Variants in CARD6 observed in about 807,000 individuals in gnomAD.
The protein encoded by CARD6 is caspase recruitment domain-containing protein 6.
CARD6 carries 27 observed loss-of-function variants against 23.6 expected under a neutral mutation model. The observed-to-expected ratio is 1.14, with a 90% CI of 0.84 to 1.58. CARD6 has a LOEUF of 1.58. Ranked by LOEUF, CARD6 falls within the 40% of genes most tolerant of loss-of-function variation. CARD6 has a pLI of 0.00. For synonymous variants in CARD6, 397 were observed against 431.8 expected, an observed-to-expected ratio of 0.92 and a Z score of 1.00; for missense variants, 1,214 against 1,209.9, an observed-to-expected ratio of 1.00 and a Z score of -0.05.
At chr5:40,848,210 GT>G (rs200993412) in intron 2 of CARD6, among the ~76,000 whole-genome samples, 3,747 of 124,862 alleles carry the variant, frequency 0.03, 98 homozygotes, top group African/African-American at 0.1. Context: ...AATTTTAATT[GT>G]TTTTTTTTTT....
At chr5:40,849,106 C>T (rs1183961786) in intron 2 of CARD6, among the ~76,000 whole-genome samples, 1 of 152,086 alleles carries the variant, frequency 6.6e-6, no homozygotes, top group Non-Finnish European at 1.5e-5. Context: ...AAGTGATTCT[C>T]CTGCCTCAGC....
At position 40,843,369 on chromosome 5, in the gene CARD6, G is replaced by A; in HGVS notation, c.501G>A (p.Lys167=). The change falls in exon 2 of 3, where the codon AAG becomes AAA. Residue 167 remains lysine, a synonymous_variant. Transcript: ENST00000254691. Reference sequence around the variant, plus strand: ...CTTTGTCTGCCAGGAAGAATGAGAAGGAATATGACACACCAGAAGTCACAT... The same window carrying A: ...CTTTGTCTGCCAGGAAGAATGAGAAAGAATATGACACACCAGAAGTCACAT... ...ETALSARKNE[K]EYDTPEVTLS... 1 of 1,614,018 alleles carries A rather than the reference G, an allele frequency of 6.2e-7. No homozygotes were observed. Among genetic ancestry groups the A allele is most frequent in the South Asian group, 1.1e-5 (1 of 91,074 alleles).
chr5:40,843,438 T>C lies in CARD6; in HGVS notation c.570T>C (p.Thr190=), dbSNP rs1182216018. ...VEKVGCEVPA[T]ITYIKDGQRY... ...AAGTTGGATGTGAAGTTCCAGCAAC[T>C]ATTACATATATAAAAGATGGACAGA... Residue 190 remains threonine, a synonymous_variant, in exon 2 of 3, where the codon ACT becomes ACC. Coordinates refer to ENST00000254691, the MANE Select transcript of CARD6 (RefSeq NM_032587.4). 6.2e-7 allele frequency: 1 copy of C among 1,613,916 alleles called. No homozygotes were observed. The highest frequency in any genetic ancestry group is 8.5e-7 in the Non-Finnish European group (1 of 1,179,968).
intron 2 of CARD6, among the ~76,000 whole-genome samples, chr5:40,844,401 T>C (rs1375593891): frequency 6.6e-6 from 1 of 152,094 alleles, no homozygotes; most frequent in African/African-American, 2.4e-5. Flanking sequence ...GCCTGGCTAA[T>C]TTTGTATTTT....
At chr5:40,848,974 C>T (rs981384997) in intron 2 of CARD6, among the ~76,000 whole-genome samples, 2 of 151,894 alleles carry the variant, frequency 1.3e-5, no homozygotes, top group East Asian at 1.9e-4. Flanking sequence ...ATTACCTTGT[C>T]GACACACCTG....
rs1579806466 is a variant in CARD6 at position 40,852,866 on chromosome 5, C to G, written c.1534C>G (p.Pro512Ala). The change falls in exon 3 of 3, where the codon CCT becomes GCT. Residue 512 changes from proline (P) to alanine (A), a missense_variant. By Grantham distance (27) the Pro-to-Ala change is conservative. Transcript: ENST00000254691. ...CCTGGTTGAGATAACATGGTGTTTT[C>G]CTGATAGCGATGATAGAAAGGAAAA... The part of the protein sequence containing the change: ...DGLVEITWCF[P>A]DSDDRKENPF... 6.2e-7 allele frequency: 1 copy of G among 1,614,110 alleles called. No individual in the cohort carries two copies. Among genetic ancestry groups the G allele is most frequent in the East Asian group, 2.2e-5 (1 of 44,880 alleles).
Position 40,843,353 on chromosome 5 carries a change from C to A in CARD6, c.485C>A (p.Ala162Asp). 1 of 1,613,962 alleles carries A rather than the reference C, an allele frequency of 6.2e-7. No homozygotes were observed. The highest frequency in any genetic ancestry group is 8.5e-7 in the Non-Finnish European group (1 of 1,179,960). ...AGTTATAGGGAAACAGCTTTGTCTG[C>A]CAGGAAGAATGAGAAGGAATATGAC... is the stretch of plus-strand genomic sequence containing the variant. Reference protein sequence around the residue: ...KTSYRETALSARKNEKEYDTP... With the variant: ...KTSYRETALSDRKNEKEYDTP... Residue 162 changes from alanine (A) to aspartate (D), a missense_variant, in exon 2 of 3, where the codon GCC (alanine) becomes GAC (aspartate). Physicochemically the swap from Ala to Asp is moderately radical, Grantham distance 126. Transcript: ENST00000254691.
rs200823697 is a variant in CARD6 at position 40,854,474 on chromosome 5, A to C, written c.*28A>C. On this transcript the variant is annotated 3_prime_UTR_variant, in exon 3 of 3. Transcript: ENST00000254691. ...AGCTAACTCCAGAGATCTATAAAGC[A>C]TATCCTTTACCCAGGCCATTCCTAT... 6.4e-7 allele frequency: 1 copy of C among 1,563,778 alleles called. No individual in the cohort carries two copies. Among genetic ancestry groups the C allele is most frequent in the African/African-American group, 1.4e-5 (1 of 73,694 alleles).
rs1249079057 is a variant in CARD6, at chr5:40,843,345, T to C, written c.477T>C (p.Ala159=). ...RDKKTSYRET[A]LSARKNEKEY... ...AGAAAACTAGTTATAGGGAAACAGC[T>C]TTGTCTGCCAGGAAGAATGAGAAGG... is the stretch of plus-strand genomic sequence containing the variant. The change falls in exon 2 of 3, where the codon GCT becomes GCC. Residue 159 remains alanine, a synonymous_variant. Coordinates refer to ENST00000254691, the MANE Select transcript of CARD6 (RefSeq NM_032587.4). 1.2e-6 allele frequency: 2 copies of C among 1,614,132 alleles called. No homozygotes were observed. The highest frequency in any genetic ancestry group is 2.2e-5 in the South Asian group (2 of 91,086).
At chr5:40,844,860 G>T (rs966223547) in intron 2 of CARD6, among the ~76,000 whole-genome samples, 2 of 149,912 alleles carry the variant, frequency 1.3e-5, no homozygotes, top group African/African-American at 4.9e-5. Flanking sequence ...TGACAGGGTT[G>T]CTTCCTTCTT....
intron 2 of CARD6, among the ~76,000 whole-genome samples, chr5:40,845,113 C>A (rs1006675007): frequency 5.9e-5 from 9 of 151,980 alleles, no homozygotes; most frequent in Non-Finnish European, 1.2e-4. Flanking sequence ...AGTAATCCAC[C>A]CACCTTGGCC....
chr5:40,844,950 C>T (rs1745941689), intron 2 of CARD6, among the ~76,000 whole-genome samples: 1 of 151,506 alleles, frequency 6.6e-6, no homozygotes, highest in African/African-American at 2.4e-5. Flanking sequence ...TCACTGTACC[C>T]TCCGCCTCCC....
At chr5:40,847,893 G>A (rs905746034) in intron 2 of CARD6, among the ~76,000 whole-genome samples, 11 of 149,208 alleles carry the variant, frequency 7.4e-5, no homozygotes, top group Admixed American at 1.4e-4. Flanking sequence ...GTTATTTACC[G>A]AGATTTTTTT....
chr5:40,841,710 G>T, intron 1 of CARD6, 45 bp downstream of exon 1: 1 of 1,423,090 alleles, frequency 7.0e-7, no homozygotes, highest in Non-Finnish European at 9.4e-7. Context: ...GAAGGGGGCA[G>T]ACTTTCTGAA....
In CARD6 at chr5:40,852,791, C is replaced by T. The variant is rs967651838; in HGVS notation, c.1459C>T (p.Leu487Phe). 6.2e-7 allele frequency: 1 copy of T among 1,614,196 alleles called. No individual in the cohort carries two copies. The highest frequency in any genetic ancestry group is 1.1e-5 in the South Asian group (1 of 91,076). Residue 487 changes from leucine (L) to phenylalanine (F), a missense_variant, in exon 3 of 3, where the codon CTT (leucine) becomes TTT (phenylalanine). By Grantham distance (22) the Leu-to-Phe change is conservative. Coordinates refer to ENST00000254691, the MANE Select transcript of CARD6 (RefSeq NM_032587.4). ...CCAGTTGAAATTACACAAAATCTTTCTTCATCAAGATTTGCCTCTTTTGGT... is the reference window on the plus strand; with the variant it reads ...CCAGTTGAAATTACACAAAATCTTTTTTCATCAAGATTTGCCTCTTTTGGT... ...PAQLKLHKIF[L>F]HQDLPLLVLP...
rs867546934 is a variant in CARD6 at position 40,843,610 on chromosome 5, G to A, written c.742G>A (p.Glu248Lys). ...HVGYDGEEDFENSETTEFSGE... is the reference protein window; with the variant it reads ...HVGYDGEEDFKNSETTEFSGE... Reference sequence around the variant, plus strand: ...TGGATATGATGGTGAAGAGGACTTCGAGAATTCAGAAACCACAGAGTTCTC... The same window carrying A: ...TGGATATGATGGTGAAGAGGACTTCAAGAATTCAGAAACCACAGAGTTCTC... The change falls in exon 2 of 3, where the codon GAG (glutamate) becomes AAG (lysine). Residue 248 changes from glutamate to lysine, a missense_variant. Transcript: ENST00000254691. The A allele has an allele frequency of 3.7e-6, 6 of 1,604,768 alleles. No individual in the cohort carries two copies. The highest frequency in any genetic ancestry group is 1.3e-5 in the African/African-American group (1 of 74,208).
chr5:40,854,067 C>G lies in CARD6; in HGVS notation c.2735C>G (p.Ser912Cys). 1 of 1,614,178 alleles carries G rather than the reference C, an allele frequency of 6.2e-7. No homozygotes were observed. The highest frequency in any genetic ancestry group is 1.3e-5 in the African/African-American group (1 of 75,030). ...AAATQKLRPASQQGVQMKTQG... is the reference protein window; with the variant it reads ...AAATQKLRPACQQGVQMKTQG... ...GCCACACAAAAACTAAGACCTGCTT[C>G]TCAGCAAGGAGTCCAGATGAAGACA... Residue 912 changes from serine (S) to cysteine (C), a missense_variant, in exon 3 of 3, where the codon TCT becomes TGT. By Grantham distance (112) the Ser-to-Cys change is moderately radical (BLOSUM62 -1). Transcript: ENST00000254691.
Position 40,853,627 on chromosome 5 carries a change from GT to G in CARD6, c.2297del (p.Phe766SerfsTer35). On this transcript the variant is annotated frameshift_variant, in exon 3 of 3. Transcript: ENST00000254691. LOFTEE classifies it low-confidence loss of function (END_TRUNC). The stretch of plus-strand genomic sequence containing the variant: ...TTGGGTCAGAGCAGAGGCCTAAGTG[GT>G]TCCATCCTTTGCCTTTTCAGAATGC... ...PFGSEQRPKW[F>X]HPLPFQNAGA... 1 of 1,614,246 alleles carries G rather than the reference GT, an allele frequency of 6.2e-7. No homozygotes were observed. Among genetic ancestry groups the G allele is most frequent in the Non-Finnish European group, 8.5e-7 (1 of 1,180,048 alleles).
intron 1 of CARD6, among the ~76,000 whole-genome samples, chr5:40,842,171 T>C (rs1181763136): frequency 1.3e-5 from 2 of 152,248 alleles, no homozygotes; most frequent in African/African-American, 2.4e-5. Context: ...AGCTGTTTTC[T>C]GGAGCAATTC....
Sources: allele counts gnomAD v4.1 joint callset (sites outside exome capture counted in the v4.1 genomes callset), GRCh38; gene constraint gnomAD v4.1.1; transcripts MANE v1.5; gene names NCBI Gene and HGNC (gene_info 2026-07-23, HGNC 2026-07-21).